Variants in REV3L observed in about 807,000 individuals in gnomAD.
REV3L encodes the protein DNA polymerase zeta catalytic subunit.
A neutral mutation model predicts 299.4 loss-of-function variants in REV3L; 69 were observed. The ratio of observed to expected loss-of-function variants is 0.23; its 90% CI spans 0.19 to 0.28. The LOEUF is 0.28. REV3L is among the 10% of genes least tolerant of loss of function. The pLI is 1.00. For synonymous variants in REV3L, 1,238 were observed against 1,271.4 expected, an observed-to-expected ratio of 0.97 and a Z score of 0.56; for missense variants, 3,128 against 3,693.8, an observed-to-expected ratio of 0.85 and a Z score of 3.97.
intron 25 of REV3L, 144 bp from the exon 26 acceptor site, chr6:111,322,822 C>G (rs1422742948): frequency 2.5e-5 from 16 of 628,498 alleles, no homozygotes; most frequent in Non-Finnish European, 4.4e-5. Context: ...AAATAGCCAT[C>G]AGTATCATCA....
At chr6:111,470,174 TCACACACACACACACA>T (rs6149753) in intron 1 of REV3L, among the ~76,000 whole-genome samples, 49,584 of 150,202 alleles carry the variant, frequency 0.33, 10,331 homozygotes, top group African/African-American at 0.57. Flanking sequence ...TTACTATCTC[TCACACACACACACACA>T]CACACACACA....
rs181531501 is a variant in REV3L at position 111,389,270 on chromosome 6, T to G, written c.758-60A>C. ...CAAAGTAAGAAATGCCTAAAAAATC[T>G]AAACTTTTCTTTAACAAATACTGCC... is the stretch of plus-strand genomic sequence containing the variant. On this transcript the variant is annotated intron_variant, in intron 6 of 31. Transcript: ENST00000368802. 185 of 1,241,990 alleles carry G rather than the reference T, an allele frequency of 1.5e-4. 1 individual carries two copies. In the Middle Eastern group the frequency reaches 4.3e-3, roughly 29 times the overall value. The allele number at this position is 1,241,990 out of a possible 1,614,324, so 76.9% of individuals were successfully genotyped here. A position where few individuals can be genotyped will look rare whatever the true frequency, so the allele number is the denominator to read the frequency against.
chr6:111,376,447 A>G lies in REV3L; in HGVS notation c.1908T>C (p.His636=). The G allele has an allele frequency of 6.2e-7, 1 of 1,613,780 alleles. No homozygotes were observed. Among genetic ancestry groups the G allele is most frequent in the South Asian group, 1.1e-5 (1 of 91,044 alleles). The stretch of plus-strand genomic sequence containing the variant: ...TATTCTCTTTATGAGAATTTTCTGA[A>G]TGAACAGTACTGCTTAAAGATCCAG... ...KYPGSLSSTV[H]SENSHKENSK... The change falls in exon 13 of 32, where the codon CAT becomes CAC. Residue 636 remains histidine (H), a synonymous_variant. Coordinates refer to ENST00000368802, the MANE Select transcript of REV3L (RefSeq NM_001372078.1).
chr6:111,375,522 G>C lies in REV3L; in HGVS notation c.2833C>G (p.Leu945Val), dbSNP rs1451597835. The C allele has an allele frequency of 6.2e-7, 1 of 1,613,124 alleles. No homozygotes were observed. Among genetic ancestry groups the C allele is most frequent in the Admixed American group, 1.7e-5 (1 of 59,878 alleles). Residue 945 changes from leucine to valine, a missense_variant, in exon 13 of 32, where the codon CTA becomes GTA. Physicochemically the swap from Leu to Val is conservative, Grantham distance 32. Transcript: ENST00000368802. ...SFVTHNSKIS[L>V]PHPMEIGESL... ...TCACCAATTTCCATGGGATGAGGTAGACTAATTTTTGAGTTGTGAGTTACA... is the reference window on the plus strand; with the variant it reads ...TCACCAATTTCCATGGGATGAGGTACACTAATTTTTGAGTTGTGAGTTACA...
At chr6:111,437,559 T>C (rs1787706767) in intron 1 of REV3L, among the ~76,000 whole-genome samples, 1 of 151,450 alleles carries the variant, frequency 6.6e-6, no homozygotes, top group South Asian at 2.1e-4. Flanking sequence ...TAGAGAAAAA[T>C]TTTAAATATT....
chr6:111,389,416 A>G (rs1172787577), intron 6 of REV3L, among the ~76,000 whole-genome samples: 1 of 152,216 alleles, frequency 6.6e-6, no homozygotes, highest in Admixed American at 6.5e-5. Context: ...CAGCAAGTGA[A>G]TACAATTCAA....
At chr6:111,431,113 T>C in intron 1 of REV3L, 1 of 1,514,302 alleles carries the variant, frequency 6.6e-7, no homozygotes, top group Non-Finnish European at 9.2e-7. Context: ...TTTAATCTAT[T>C]CAACCTATGG....
At position 111,372,884 on chromosome 6, in the gene REV3L, G is replaced by A. The variant is rs766256209; in HGVS notation, c.5471C>T (p.Ser1824Phe). The change falls in exon 13 of 32, where the codon TCC (serine) becomes TTC (phenylalanine). Residue 1824 changes from serine (S) to phenylalanine (F), a missense_variant. By Grantham distance (155) the Ser-to-Phe change is radical. Coordinates refer to ENST00000368802, the MANE Select transcript of REV3L (RefSeq NM_001372078.1). ...CACGTCTACAAGTTCACCATCAGGG[G>A]AGGAGAGTATTGCAGTAAAAGAGGT... ...ANTSFTAILS[S>F]PDGELVDVAC... The A allele has an allele frequency of 9.9e-6, 16 of 1,614,016 alleles. No homozygotes were observed. Among genetic ancestry groups the A allele is most frequent in the Non-Finnish European group, 1.4e-5 (16 of 1,180,020 alleles).
intron 20 of REV3L, among the ~76,000 whole-genome samples, chr6:111,346,485 T>C (rs987101155): frequency 6.6e-6 from 1 of 152,290 alleles, no homozygotes; most frequent in Admixed American, 6.5e-5. Context: ...ACAAAATTTA[T>C]GATTACTATT....
intron 1 of REV3L, among the ~76,000 whole-genome samples, chr6:111,443,704 G>C (rs557975941): frequency 6.6e-6 from 1 of 152,172 alleles, no homozygotes; most frequent in Non-Finnish European, 1.5e-5. Context: ...TTGCAGATGT[G>C]TGCAAACTTT....
intron 31 of REV3L, among the ~76,000 whole-genome samples, chr6:111,302,206 T>C (rs990156345): frequency 6.6e-6 from 1 of 152,240 alleles, no homozygotes; most frequent in African/African-American, 2.4e-5. Flanking sequence ...GTATGCTCCA[T>C]GAAGACTGAG....
chr6:111,299,221 TA>T lies in REV3L; in HGVS notation c.*794del, dbSNP rs1771199558. On this transcript the variant is annotated 3_prime_UTR_variant, in exon 32 of 32. Transcript: ENST00000368802. ...CAAATAAGATTAACTGTACAGTACA[TA>T]AGGAAAGAAAATATTTTAAGTATAT... 3 of 152,500 alleles carry T rather than the reference TA, an allele frequency of 2.0e-5. No homozygotes were observed. The highest frequency in any genetic ancestry group is 7.2e-5 in the African/African-American group (3 of 41,416). 9.4% of individuals were successfully genotyped at this position (152,500 alleles called of 1,614,324 possible).
chr6:111,393,163 G>A (rs150038241), intron 4 of REV3L, among the ~76,000 whole-genome samples, 191 bp from the exon 5 acceptor site: 160 of 151,780 alleles, frequency 1.1e-3, no homozygotes, highest in Non-Finnish European at 1.1e-3. Context: ...ACAGTCTCCC[G>A]AGTAGCCTCC....
chr6:111,337,249 G>A (rs1278854735), intron 21 of REV3L, among the ~76,000 whole-genome samples: 1 of 152,070 alleles, frequency 6.6e-6, no homozygotes, highest in Admixed American at 6.6e-5. Flanking sequence ...TGGGTAAATT[G>A]TATGATATAC....
At chr6:111,431,067 C>T (rs1786863821) in intron 1 of REV3L, 1 of 1,504,526 alleles carries the variant, frequency 6.6e-7, no homozygotes, top group South Asian at 1.1e-5. Flanking sequence ...CGCATTATGA[C>T]TCCACATATG....
intron 16 of REV3L, among the ~76,000 whole-genome samples, chr6:111,363,163 G>A (rs1778869719): frequency 6.6e-6 from 1 of 152,230 alleles, no homozygotes; most frequent in Non-Finnish European, 1.5e-5. Context: ...GAGAGTATAT[G>A]AGTGAATGAA....
intron 1 of REV3L, among the ~76,000 whole-genome samples, chr6:111,465,718 G>A (rs1460123512): frequency 2.3e-5 from 2 of 88,240 alleles, no homozygotes; most frequent in African/African-American, 3.6e-5. Flanking sequence ...GGGCAACAAA[G>A]CGAGATTCCG....
At chr6:111,419,479 G>A (rs1418549709) in intron 1 of REV3L, among the ~76,000 whole-genome samples, 1 of 152,168 alleles carries the variant, frequency 6.6e-6, no homozygotes, top group Non-Finnish European at 1.5e-5. Flanking sequence ...ATTTCCCTCC[G>A]CTAGCTCTAC....
At chr6:111,434,317 T>G (rs1033513081) in intron 1 of REV3L, among the ~76,000 whole-genome samples, 1 of 152,004 alleles carries the variant, frequency 6.6e-6, no homozygotes, top group Non-Finnish European at 1.5e-5. Context: ...AAAAAAACTG[T>G]TAAAAATGAT....
Sources: gnomAD v4.1 joint callset for allele counts (sites outside exome capture counted in the v4.1 genomes callset) on GRCh38, gnomAD v4.1.1 for gene constraint, MANE v1.5 for transcripts, NCBI Gene and HGNC (gene_info 2026-07-23, HGNC 2026-07-21) for gene names.